The following DDHD2 variants were observed in gnomAD, a reference collection of about 807,000 sequenced individuals.
The protein encoded by DDHD2 is DDHD domain containing 2, also known as triacylglycerol hydrolase DDHD2.
In DDHD2, 62 loss-of-function variants were observed where a neutral mutation model predicts 91.2. That is an observed-to-expected ratio of 0.68 (90% CI 0.55 to 0.84). DDHD2 has a LOEUF of 0.84. DDHD2 is among the 40% of genes least tolerant of loss of function. DDHD2 has a pLI of 0.00. For synonymous variants in DDHD2, 271 were observed against 293.9 expected, an observed-to-expected ratio of 0.92 and a Z score of 0.80; for missense variants, 740 against 846.9, an observed-to-expected ratio of 0.87 and a Z score of 1.57.
chr8:38,264,626 T>C (rs1464959149), downstream of DDHD2: 1 of 1,570,034 alleles, frequency 6.4e-7, no homozygotes, highest in Non-Finnish European at 8.6e-7. Flanking sequence ...GGAAACAAGG[T>C]CTTCTCTTAA....
intron 16 of DDHD2, among the ~76,000 whole-genome samples, chr8:38,254,407 G>T (rs932942958): frequency 2.0e-5 from 3 of 151,956 alleles, no homozygotes; most frequent in Admixed American, 6.6e-5. Context: ...TTGAGACAGG[G>T]TCTTGCTGTG....
downstream of DDHD2, chr8:38,267,627 G>T: frequency 1.6e-6 from 1 of 620,528 alleles, no homozygotes; most frequent in Non-Finnish European, 2.8e-6. Context: ...AACAGCAAAT[G>T]ACACTGCAGC....
At chr8:38,266,267 TC>T (rs1807568773), downstream of DDHD2, 2 of 1,613,590 alleles carry the variant, frequency 1.2e-6, no homozygotes, top group South Asian at 2.2e-5. Flanking sequence ...CAGTGTAACT[TC>T]CCTGCCAGGT....
At chr8:38,264,508 A>G (rs767886385), downstream of DDHD2, 1 of 1,558,066 alleles carries the variant, frequency 6.4e-7, no homozygotes, top group Admixed American at 1.9e-5. Flanking sequence ...TTTGTCTTGA[A>G]ATGGTTTATG....
At chr8:38,248,347 CA>C (rs1805814084) in intron 10 of DDHD2, among the ~76,000 whole-genome samples, 1 of 151,532 alleles carries the variant, frequency 6.6e-6, no homozygotes, top group African/African-American at 2.4e-5. Flanking sequence ...ATGTGTGAGC[CA>C]CCGTGCCCAG....
Position 38,252,828 on chromosome 8 carries a change from A to T in DDHD2, c.1720+4A>T. On this transcript the variant is annotated splice_donor_region_variant and intron_variant, in intron 14 of 17. Coordinates refer to ENST00000397166, the MANE Select transcript of DDHD2 (RefSeq NM_015214.3). ...GGCAGGAAGCGGATGCACTTAGGTA[A>T]GTCCGAGCATAGAACTTGATAATTC... is the stretch of plus-strand genomic sequence containing the variant. 6.2e-7 allele frequency: 1 copy of T among 1,613,660 alleles called. No homozygotes were observed. The highest frequency in any genetic ancestry group is 1.1e-5 in the South Asian group (1 of 91,070).
Position 38,249,727 on chromosome 8 carries a change from A to G in DDHD2, c.1268A>G (p.Asp423Gly). The change falls in exon 11 of 18, where the codon GAT becomes GGT. Residue 423 changes from aspartate (D) to glycine (G), a missense_variant. Asp to Gly is a moderately conservative substitution (Grantham distance 94). Transcript: ENST00000397166. ...GCCTAGGCTTTATGTACAGACCGAG[A>G]TCTTCAGGAAATAGGAATTCCTTTA... ...KEALALCTDR[D>G]LQEIGIPLGP... 1 of 1,611,338 alleles carries G rather than the reference A, an allele frequency of 6.2e-7. No homozygotes were observed. The highest frequency in any genetic ancestry group is 8.5e-7 in the Non-Finnish European group (1 of 1,178,136).
At chr8:38,258,692 A>G (rs1017068220) in intron 16 of DDHD2, among the ~76,000 whole-genome samples, 2 of 152,226 alleles carry the variant, frequency 1.3e-5, no homozygotes, top group Non-Finnish European at 2.9e-5. Context: ...GGGTCTGTGT[A>G]TATGAGTTTG....
intron 11 of DDHD2, 51 bp downstream of exon 11, chr8:38,249,854 G>A (rs752734196): frequency 7.2e-6 from 9 of 1,246,978 alleles, no homozygotes; most frequent in Non-Finnish European, 1.0e-5. Context: ...GATGTCCATA[G>A]TGTGTCCTTG....
chr8:38,255,194 C>CAAAAAAAAAAAAAA (rs34259167), intron 16 of DDHD2: 1 of 114,102 alleles, frequency 8.8e-6, no homozygotes. Context: ...GACTCCATCT[C>CAAAAAAAAAAAAAA]AAAAAAAAAA....
Position 38,268,574 on chromosome 8 carries a change from TGAGTGCGCGTAACCGGGC to T in DDHD2, n.88-2546_88-2529del. 2.7e-6 allele frequency: 4 copies of T among 1,470,332 alleles called. No individual in the cohort carries two copies. In the South Asian group the frequency reaches 5.4e-5, roughly 20 times the overall value. The allele number at this position is 1,470,332 out of a possible 1,614,324, so 91.1% of individuals were successfully genotyped here. A position where few individuals can be genotyped will look rare whatever the true frequency, so the allele number is the denominator to read the frequency against. The stretch of plus-strand genomic sequence containing the variant: ...CTCACTGGAGCTAACATAAGGTCTC[TGAGTGCGCGTAACCGGGC>T]GCCAGGCAGCGCCACCAGTGAACAG... On this transcript the variant is annotated intron_variant and non_coding_transcript_variant, in intron 1 of 1. Coordinates refer to the DDHD2 transcript ENST00000526071.
intron 5 of DDHD2, chr8:38,238,952 TACAC>T (rs1282416959): frequency 6.5e-6 from 1 of 152,730 alleles, no homozygotes; most frequent in Non-Finnish European, 1.5e-5. Context: ...TGTGTGTGTG[TACAC>T]ACACAGAGAA....
chr8:38,238,619 G>A (rs1804992511), intron 5 of DDHD2: 1 of 985,320 alleles, frequency 1.0e-6, no homozygotes, highest in African/African-American at 1.8e-5. Context: ...GTCACTTATG[G>A]TTTTATAATA....
At chr8:38,264,724 A>G (rs1226009348), downstream of DDHD2, 1 of 1,440,146 alleles carries the variant, frequency 6.9e-7, no homozygotes, top group Non-Finnish European at 9.2e-7. Context: ...AATAACCTCA[A>G]TTCCAGACTT....
At chr8:38,232,822 C>A (rs192202566) in intron 1 of DDHD2, among the ~76,000 whole-genome samples, 165 bp from the exon 2 acceptor site, 1 of 152,302 alleles carries the variant, frequency 6.6e-6, no homozygotes, top group Admixed American at 6.5e-5. Context: ...AAAGCTTCCA[C>A]CCATCCAGTT....
intron 15 of DDHD2, 181 bp downstream of exon 15, chr8:38,253,308 G>A (rs1806257076): frequency 1.3e-6 from 1 of 782,350 alleles, no homozygotes; most frequent in Non-Finnish European, 2.0e-6. Context: ...TAAACCCAAG[G>A]CAAATGACCT....
downstream of DDHD2, chr8:38,264,205 T>A: frequency 1.0e-6 from 1 of 964,564 alleles, no homozygotes; most frequent in South Asian, 3.6e-5. Flanking sequence ...TGGAGTGCAG[T>A]GGTGCGATCT....
At chr8:38,250,726 G>T (rs1806046918) in intron 11 of DDHD2, 1 of 151,772 alleles carries the variant, frequency 6.6e-6, no homozygotes, top group Non-Finnish European at 1.5e-5. Flanking sequence ...ACAATTTAAT[G>T]GTTTTTAGTA....
chr8:38,267,829 A>T, downstream of DDHD2: 1 of 1,476,814 alleles, frequency 6.8e-7, no homozygotes, highest in South Asian at 1.1e-5. Flanking sequence ...GGTGGACACC[A>T]TTAACCTCTC....
Sources: gnomAD v4.1 joint callset for allele counts (sites outside exome capture counted in the v4.1 genomes callset) on GRCh38, gnomAD v4.1.1 for gene constraint, MANE v1.5 for transcripts, NCBI Gene and HGNC (gene_info 2026-07-23, HGNC 2026-07-21) for gene names.